UBE2D3: variants seen among roughly 807,000 people sequenced by gnomAD.
UBE2D3 encodes ubiquitin conjugating enzyme E2 D3, also known as ubiquitin-conjugating enzyme E2 D3.
In UBE2D3, 2 loss-of-function variants were observed where a neutral mutation model predicts 22.8. That is an observed-to-expected ratio of 0.09 (90% CI 0.04 to 0.28). The LOEUF (loss-of-function observed/expected upper bound fraction) is 0.28, where lower values mean the gene tolerates loss of function less well. Ranked by LOEUF, UBE2D3 falls within the 10% of genes least tolerant of loss-of-function variation. UBE2D3 has a pLI of 1.00. For synonymous variants in UBE2D3, 56 were observed against 60.4 expected (o/e 0.93, Z 0.34); for missense variants, 27 against 182.5 (o/e 0.15, Z 4.91).
At chr4:102,856,397 A>G (rs538021041) in intron 1 of UBE2D3, among the ~76,000 whole-genome samples, 70 of 152,316 alleles carry the variant, frequency 4.6e-4, no homozygotes, top group African/African-American at 1.5e-3. Context: ...TTAAAAAATA[A>G]AGAACATCAT....
At chr4:102,809,288 G>C (rs1417922653) in intron 4 of UBE2D3, 1 of 238,378 alleles carries the variant, frequency 4.2e-6, no homozygotes, top group African/African-American at 2.3e-5. Context: ...TAGATTATTG[G>C]CAGCTGCAGT....
At chr4:102,807,993 T>G (rs574873837) in intron 4 of UBE2D3, among the ~76,000 whole-genome samples, 1 of 152,350 alleles carries the variant, frequency 6.6e-6, no homozygotes, top group Admixed American at 6.5e-5. Context: ...GTATTGACAA[T>G]TTTTATAATG....
chr4:102,826,335 A>G, intron 2 of UBE2D3, 150 bp downstream of exon 2: 2 of 1,020,590 alleles, frequency 2.0e-6, no homozygotes, highest in Non-Finnish European at 1.5e-6. Context: ...CATTTCTTCA[A>G]GAAGTATATC....
At chr4:102,812,268 TA>T (rs1409720667) in intron 2 of UBE2D3, 3 of 152,422 alleles carry the variant, frequency 2.0e-5, no homozygotes, top group Non-Finnish European at 4.4e-5. Context: ...CACTGCACTC[TA>T]GCTTGGACAA....
At chr4:102,821,371 C>T (rs182394140) in intron 2 of UBE2D3, among the ~76,000 whole-genome samples, 319 of 152,172 alleles carry the variant, frequency 2.1e-3, no homozygotes, top group African/African-American at 7.2e-3. Flanking sequence ...AACAACTATT[C>T]ATGTGTTTAC....
At chr4:102,868,806 G>A (rs1560899411) in exon 1 of UBE2D3, 5 of 1,611,468 alleles carry the variant, frequency 3.1e-6, no homozygotes, top group South Asian at 2.2e-5. Context: ...ATCTACAGAC[G>A]TTAAAGGCCC....
intron 2 of UBE2D3, among the ~76,000 whole-genome samples, chr4:102,813,265 T>C (rs1170205783): frequency 2.0e-5 from 3 of 152,226 alleles, no homozygotes; most frequent in Admixed American, 6.5e-5. Context: ...TAAGGCACTA[T>C]AGCCCAGAAC....
rs577865156 is a variant in UBE2D3, at chr4:102,824,283, G to T, written c.24+2202C>A. 1.3e-3 allele frequency among the ~76,000 whole-genome samples: 203 copies of T among 152,250 alleles called. No individual in the cohort carries two copies. In the Middle Eastern group the frequency reaches 0.017, roughly 13 times the overall value. On this transcript the variant is annotated intron_variant, in intron 2 of 7. Transcript: ENST00000453744. ...TAAGAGTACTAAACTAGAAATCAAA[G>T]TTCTTAAACAAAAACGATTTTTAAA...
At chr4:102,830,173 G>A (rs1731044824), upstream of UBE2D3, among the ~76,000 whole-genome samples, 1 of 152,172 alleles carries the variant, frequency 6.6e-6, no homozygotes, top group Non-Finnish European at 1.5e-5. Context: ...GATAAAGCAG[G>A]CTAAGATTAA....
At chr4:102,828,113 C>CCACT (rs1299897403), upstream of UBE2D3, 1 of 985,318 alleles carries the variant, frequency 1.0e-6, no homozygotes, top group Non-Finnish European at 1.2e-6. Flanking sequence ...CTGGGGCGGG[C>CCACT]CACTGCCAGG....
chr4:102,818,439 G>A (rs887330841), intron 2 of UBE2D3, among the ~76,000 whole-genome samples: 1 of 152,122 alleles, frequency 6.6e-6, no homozygotes, highest in Non-Finnish European at 1.5e-5. Flanking sequence ...AAACCTATAG[G>A]AAAAGAAGTC....
rs561777958 is a variant in UBE2D3, at chr4:102,795,763, T to C, written c.*1652A>G. On this transcript the variant is annotated 3_prime_UTR_variant, in exon 8 of 8. Transcript: ENST00000453744. Reference sequence around the variant, plus strand: ...ATGTGTGTGCAGACAAGGAATAAGATTGCACGTAAGTGTAAGCAGTGCAAA... The same window carrying C: ...ATGTGTGTGCAGACAAGGAATAAGACTGCACGTAAGTGTAAGCAGTGCAAA... 10 of 152,192 alleles carry C rather than the reference T, an allele frequency of 6.6e-5. No homozygotes were observed. In the South Asian group the frequency reaches 1.0e-3, roughly 16 times the overall value. The allele number at this position is 152,192 out of a possible 1,614,324, so 9.4% of individuals were successfully genotyped here. A position where few individuals can be genotyped will look rare whatever the true frequency, so the allele number is the denominator to read the frequency against.
chr4:102,859,036 T>C (rs1213902708), intron 1 of UBE2D3, among the ~76,000 whole-genome samples: 2 of 151,950 alleles, frequency 1.3e-5, no homozygotes, highest in Non-Finnish European at 2.9e-5. Flanking sequence ...TAGCATCCTT[T>C]AGTTTCCACT....
chr4:102,827,239 G>C (rs1730702007), intron 1 of UBE2D3, 188 bp downstream of exon 1: 1 of 976,590 alleles, frequency 1.0e-6, no homozygotes, highest in Non-Finnish European at 1.2e-6. Context: ...GCTTAGGCGC[G>C]AGGACGCGCC....
chr4:102,810,618 T>C (rs960346361), intron 2 of UBE2D3: 20 of 152,180 alleles, frequency 1.3e-4, no homozygotes, highest in African/African-American at 3.6e-4. Context: ...GACCTCGTGA[T>C]TGAAATTCTG....
rs1490038680 is a variant in UBE2D3, at chr4:102,845,779, ATATT to A, written c.-128-19147_-128-19144del. Among the ~76,000 whole-genome samples the A allele has an allele frequency of 3.3e-5, 5 of 151,772 alleles. No individual in the cohort carries two copies. The South Asian group carries it at 1.0e-3, about 32-fold the overall frequency. ...GGTAATTGTGCCTACTTTGTCTCTG[ATATT>A]TATTTATTTATATTTTTATGTTTTT... On this transcript the variant is annotated intron_variant, in intron 1 of 7. Coordinates refer to the UBE2D3 transcript ENST00000338145.
In UBE2D3 at chr4:102,835,283, A is replaced by G. The variant is rs535541000; in HGVS notation, c.-128-8647T>C. ...GTTACTGTTCCCTAGACAATACAGT[A>G]TATTTACAGTGTTTACATTGTACTA... On this transcript the variant is annotated intron_variant, in intron 1 of 7. Coordinates refer to the UBE2D3 transcript ENST00000338145. Among the ~76,000 whole-genome samples the G allele has an allele frequency of 1.2e-4, 18 of 152,350 alleles. 1 individual carries two copies. In the South Asian group the frequency reaches 3.5e-3, roughly 30 times the overall value.
chr4:102,822,517 T>C (rs1288827457), intron 2 of UBE2D3, among the ~76,000 whole-genome samples: 2 of 152,192 alleles, frequency 1.3e-5, no homozygotes, highest in Non-Finnish European at 2.9e-5. Context: ...TTAGCCAAAA[T>C]CTTAACTCAC....
chr4:102,868,643 G>C (rs2110388342), intron 1 of UBE2D3: 2 of 1,609,214 alleles, frequency 1.2e-6, no homozygotes, highest in East Asian at 2.2e-5. Context: ...GCAACCCTAG[G>C]GCCACAGCAC....
Sources: gnomAD v4.1 joint callset for allele counts (sites outside exome capture counted in the v4.1 genomes callset) on GRCh38, gnomAD v4.1.1 for gene constraint, MANE v1.5 for transcripts, NCBI Gene and HGNC (gene_info 2026-07-23, HGNC 2026-07-21) for gene names.